DNAH12: variants seen among roughly 807,000 people sequenced by gnomAD.
DNAH12 encodes axonemal beta dynein heavy chain 12.
Under a neutral mutation model 371.5 loss-of-function variants are expected in DNAH12, and 285 were observed. The observed-to-expected ratio is 0.77, with a 90% CI of 0.70 to 0.85. The LOEUF is 0.85. Among genes scored for constraint, DNAH12 ranks in the 40% least tolerant of loss-of-function variants. The pLI, the probability that DNAH12 is intolerant of heterozygous loss-of-function variation, is 0.00. For missense variants in DNAH12, 3,611 were observed against 3,689.4 expected, an observed-to-expected ratio of 0.98 and a Z score of 0.55; for synonymous variants, 1,200 against 1,213.0, an observed-to-expected ratio of 0.99 and a Z score of 0.22.
At chr3:57,409,893 G>A (rs1232471773) in intron 39 of DNAH12, among the ~76,000 whole-genome samples, 4 of 152,038 alleles carry the variant, frequency 2.6e-5, no homozygotes, top group Non-Finnish European at 4.4e-5. Flanking sequence ...AGAATGGAAG[G>A]GTTATCCATG....
In DNAH12 at chr3:57,351,440, T is replaced by C. The variant is rs530480563; in HGVS notation, c.9674+645A>G. ...TCTTCCCAACAGAAACGTGTGCACA[T>C]GTGCCCTCTACATTTATACACAAGA... is the stretch of plus-strand genomic sequence containing the variant. On this transcript the variant is annotated intron_variant, in intron 60 of 73. Coordinates refer to ENST00000495027, the MANE Select transcript of DNAH12 (RefSeq NM_001366028.2). Among the ~76,000 whole-genome samples the C allele has an allele frequency of 2.6e-5, 4 of 152,336 alleles. No homozygotes were observed. In the East Asian group the frequency reaches 5.8e-4, roughly 22 times the overall value.
chr3:57,425,283 T>C, intron 34 of DNAH12, 142 bp from the exon 35 acceptor site: 1 of 580,274 alleles, frequency 1.7e-6, no homozygotes, highest in Non-Finnish European at 3.1e-6. Context: ...GATCTCACTC[T>C]GTCATCCAGG....
At chr3:57,505,158 G>A (rs1240748337) in intron 8 of DNAH12, among the ~76,000 whole-genome samples, 1 of 151,946 alleles carries the variant, frequency 6.6e-6, no homozygotes, top group Non-Finnish European at 1.5e-5. Context: ...CACAGTGCTG[G>A]GATTACAGGC....
chr3:57,341,228 A>G (rs753298606), intron 60 of DNAH12, among the ~76,000 whole-genome samples: 6 of 148,850 alleles, frequency 4.0e-5, no homozygotes, highest in Non-Finnish European at 8.9e-5. Context: ...CAACATATTA[A>G]TAGTACTGAA....
chr3:57,482,354 A>T (rs2066773098), intron 13 of DNAH12, among the ~76,000 whole-genome samples: 1 of 152,142 alleles, frequency 6.6e-6, no homozygotes, highest in African/African-American at 2.4e-5. Flanking sequence ...AAGAAATGCA[A>T]ATCAAAACCA....
At chr3:57,336,026 C>A (rs2062214269) in intron 60 of DNAH12, among the ~76,000 whole-genome samples, 1 of 152,078 alleles carries the variant, frequency 6.6e-6, no homozygotes, top group South Asian at 2.1e-4. Flanking sequence ...TGTCATCTAG[C>A]CTGGAAGTGC....
At position 57,495,377 on chromosome 3, in the gene DNAH12, G is replaced by A. The variant is rs919532632; in HGVS notation, c.1336-5690C>T. On this transcript the variant is annotated intron_variant, in intron 11 of 73. Transcript: ENST00000495027. Reference sequence around the variant, plus strand: ...AGTTCGAGACCAGCATGGCCAACAGGTTGAAACCCCATGGCTACTAAAAAT... The same window carrying A: ...AGTTCGAGACCAGCATGGCCAACAGATTGAAACCCCATGGCTACTAAAAAT... Among the ~76,000 whole-genome samples the A allele has an allele frequency of 5.4e-5, 8 of 147,858 alleles. 1 individual carries two copies. Among genetic ancestry groups the A allele is most frequent in the Admixed American group, 4.6e-4 (7 of 15,104 alleles).
chr3:57,510,259 T>C (rs1004939159), intron 5 of DNAH12, among the ~76,000 whole-genome samples: 4 of 151,906 alleles, frequency 2.6e-5, no homozygotes, highest in Non-Finnish European at 5.9e-5. Flanking sequence ...ATAAAAAAAA[T>C]ACAAAAAGTA....
At chr3:57,303,699 G>A (rs547193572) in intron 69 of DNAH12, among the ~76,000 whole-genome samples, 2 of 152,192 alleles carry the variant, frequency 1.3e-5, no homozygotes, top group African/African-American at 4.8e-5. Context: ...CACTGAGCCT[G>A]GCCAGAACTT....
intron 55 of DNAH12, among the ~76,000 whole-genome samples, chr3:57,371,153 G>C (rs1399695021): frequency 6.6e-6 from 1 of 152,076 alleles, no homozygotes; most frequent in Non-Finnish European, 1.5e-5. Flanking sequence ...AAAGAATCCT[G>C]GAAGAAGCAA....
At chr3:57,301,347 A>G (rs2061342795) in intron 70 of DNAH12, among the ~76,000 whole-genome samples, 1 of 151,038 alleles carries the variant, frequency 6.6e-6, no homozygotes, top group Non-Finnish European at 1.5e-5. Flanking sequence ...TTAAAATCAC[A>G]AGACAACTTT....
intron 45 of DNAH12, among the ~76,000 whole-genome samples, chr3:57,389,508 C>T (rs2063565259): frequency 6.6e-6 from 1 of 152,010 alleles, no homozygotes; most frequent in African/African-American, 2.4e-5. Flanking sequence ...TGTTCCCTTT[C>T]TCAGTGCACT....
chr3:57,524,398 C>T (rs990095469), intron 2 of DNAH12, among the ~76,000 whole-genome samples: 2 of 151,986 alleles, frequency 1.3e-5, no homozygotes, highest in African/African-American at 4.8e-5. Context: ...AAACAGTTTA[C>T]CTTCAAAACT....
At chr3:57,510,571 C>T (rs2067952760) in intron 5 of DNAH12, among the ~76,000 whole-genome samples, 1 of 151,704 alleles carries the variant, frequency 6.6e-6, no homozygotes, top group African/African-American at 2.4e-5. Context: ...ACTCAGCAGG[C>T]GGAGGCTGCA....
chr3:57,338,597 C>T (rs1485115992), intron 60 of DNAH12, among the ~76,000 whole-genome samples: 4 of 147,454 alleles, frequency 2.7e-5, no homozygotes, highest in Admixed American at 6.8e-5. Flanking sequence ...GCCACCACCC[C>T]GTCTGGGATG....
intron 62 of DNAH12, among the ~76,000 whole-genome samples, chr3:57,327,934 T>C (rs2061990979): frequency 2.0e-5 from 3 of 151,920 alleles, no homozygotes; most frequent in Admixed American, 2.0e-4. Context: ...TACAAACACC[T>C]CTACACAAAT....
chr3:57,309,096 T>C, intron 69 of DNAH12, 55 bp downstream of exon 69: 2 of 1,360,902 alleles, frequency 1.5e-6, no homozygotes, highest in Admixed American at 2.8e-5. Context: ...TTTATTTTTC[T>C]TATTAATATA....
chr3:57,444,803 A>G lies in DNAH12; in HGVS notation c.4439T>C (p.Ile1480Thr), dbSNP rs1414309761. 1.3e-6 allele frequency: 2 copies of G among 1,544,086 alleles called. No individual in the cohort carries two copies. The highest frequency in any genetic ancestry group is 8.7e-7 in the Non-Finnish European group (1 of 1,144,384). The change falls in exon 29 of 74, where the codon ATT (isoleucine) becomes ACT (threonine). Residue 1480 changes from isoleucine (I) to threonine (T), a missense_variant. By Grantham distance (89) the Ile-to-Thr change is moderately conservative. This residue lies in a region of DNAH12 where 2,266 missense variants were observed against 2,236.9 expected (regional missense o/e 1.01). Transcript: ENST00000495027. ...ENEDILLLRS[I>T]KDVNEPKFLS... is the part of the protein sequence containing the mutation. ...AAACTTTGGTTCATTTACATCTTTAATTGATCGAAGAAGCTAAAATTACCC... is the reference window on the plus strand; with the variant it reads ...AAACTTTGGTTCATTTACATCTTTAGTTGATCGAAGAAGCTAAAATTACCC...
intron 48 of DNAH12, 115 bp downstream of exon 48, chr3:57,385,234 A>G (rs1221577153): frequency 6.6e-6 from 1 of 152,252 alleles, no homozygotes; most frequent in Admixed American, 6.5e-5. Context: ...TAGCCAGTCA[A>G]TGGAAAAGGG....
Sources: gnomAD v4.1 joint callset for allele counts (sites outside exome capture counted in the v4.1 genomes callset) on GRCh38, gnomAD v4.1.1 for gene constraint, gnomAD v4.1.1 regional missense constraint, MANE v1.5 for transcripts, NCBI Gene and HGNC (gene_info 2026-07-23, HGNC 2026-07-21) for gene names.